Variants in CAAP1 observed in about 807,000 individuals in gnomAD.
CAAP1 encodes the protein caspase activity and apoptosis inhibitor 1, also known as conserved anti-apoptotic protein.
CAAP1 carries 20 observed loss-of-function variants against 34.0 expected under a neutral mutation model. The observed-to-expected ratio is 0.59, with a 90% CI of 0.41 to 0.86. CAAP1 has a LOEUF of 0.86. Ranked by LOEUF, CAAP1 falls within the 40% of genes least tolerant of loss-of-function variation. CAAP1 has a pLI of 0.00. For synonymous variants in CAAP1, 213 were observed against 166.7 expected, an observed-to-expected ratio of 1.28 and a Z score of -2.14; for missense variants, 538 against 450.5, an observed-to-expected ratio of 1.19 and a Z score of -1.76.
At position 26,876,834 on chromosome 9, in the gene CAAP1, A is replaced by G. The variant is rs1025695627; in HGVS notation, c.665+7976T>C. On this transcript the variant is annotated intron_variant, in intron 4 of 5. Coordinates refer to ENST00000333916, the MANE Select transcript of CAAP1 (RefSeq NM_024828.4). ...AATTCCACACCTGACCTCTTGTGGC[A>G]GGTGCATAGAAGTTTAATACTTTAA... Among the ~76,000 whole-genome samples, 68 of 152,128 alleles carry G rather than the reference A, an allele frequency of 4.5e-4. 2 individuals carry two copies. The highest frequency in any genetic ancestry group is 1.6e-3 in the African/African-American group (66 of 41,452).
intron 4 of CAAP1, among the ~76,000 whole-genome samples, chr9:26,864,128 A>C (rs1454269352): frequency 6.6e-6 from 1 of 152,090 alleles, no homozygotes; most frequent in African/African-American, 2.4e-5. Context: ...CTTAATTTAC[A>C]AGCTTGGCAT....
At chr9:26,855,675 T>C (rs949558839) in intron 5 of CAAP1, among the ~76,000 whole-genome samples, 9 of 152,200 alleles carry the variant, frequency 5.9e-5, no homozygotes, top group African/African-American at 1.2e-4. Flanking sequence ...AACTGCAAAT[T>C]AAATCATAGA....
chr9:26,881,811 G>C (rs1252105299), intron 4 of CAAP1, among the ~76,000 whole-genome samples: 2 of 152,158 alleles, frequency 1.3e-5, no homozygotes, highest in Non-Finnish European at 2.9e-5. Context: ...GGAAAATGTG[G>C]GAAAGTCTGG....
intron 4 of CAAP1, among the ~76,000 whole-genome samples, chr9:26,876,304 T>G (rs1287846902): frequency 3.9e-5 from 6 of 152,164 alleles, no homozygotes. Context: ...GGTCTCACCT[T>G]GATAATCCAG....
At chr9:26,869,911 A>G (rs1303332795) in intron 4 of CAAP1, 1 of 980,236 alleles carries the variant, frequency 1.0e-6, no homozygotes, top group Non-Finnish European at 1.2e-6. Context: ...AAAGAGTAGA[A>G]AAAAGGAAAA....
intron 4 of CAAP1, chr9:26,880,265 CT>C: frequency 2.4e-6 from 1 of 409,252 alleles, no homozygotes; most frequent in Non-Finnish European, 4.8e-6. Context: ...CCTCACTTGC[CT>C]CCCGCAAAGC....
chr9:26,880,299 C>T, intron 4 of CAAP1: 1 of 362,420 alleles, frequency 2.8e-6, no homozygotes, highest in Admixed American at 3.7e-5. Context: ...GCTCTGGACG[C>T]ACTGGTCTGA....
At chr9:26,883,042 C>A (rs1823635976) in intron 4 of CAAP1, among the ~76,000 whole-genome samples, 1 of 152,004 alleles carries the variant, frequency 6.6e-6, no homozygotes. Context: ...TTTACAGGCT[C>A]ATAGGCGGAA....
Position 26,859,503 on chromosome 9 carries a change from G to C in CAAP1, c.739+1563C>G, listed in dbSNP as rs143650971. Among the ~76,000 whole-genome samples the C allele has an allele frequency of 4.1e-4, 62 of 152,216 alleles. 1 individual carries two copies. In the East Asian group the frequency reaches 0.011, roughly 28 times the overall value. On this transcript the variant is annotated intron_variant, in intron 5 of 5. Transcript: ENST00000333916. ...TTTATAGAACATTCTCTTCTCCTCA[G>C]ATGATGTAATAGCATATCCTCCATA...
chr9:26,869,891 G>A (rs1823233047), intron 4 of CAAP1: 7 of 897,774 alleles, frequency 7.8e-6, no homozygotes, highest in Non-Finnish European at 9.3e-6. Context: ...TTTTTAAAAA[G>A]GTGATAGAGA....
chr9:26,851,985 A>G (rs1245682103), intron 5 of CAAP1, among the ~76,000 whole-genome samples: 1 of 152,194 alleles, frequency 6.6e-6, no homozygotes, highest in Non-Finnish European at 1.5e-5. Context: ...TTAAATATAA[A>G]TATAAGCTCA....
rs762273415 is a variant in CAAP1, at chr9:26,892,584, C to T, written c.132G>A (p.Gly44=). The T allele has an allele frequency of 3.7e-5, 59 of 1,601,142 alleles. No individual in the cohort carries two copies. Among genetic ancestry groups the T allele is most frequent in the Non-Finnish European group, 4.9e-5 (57 of 1,175,256 alleles). ...SGSSGSTSGC[G]SAGGCGSVSC... is the part of the protein sequence containing the mutation. ...TGACGCTCCCGCAGCCCCCGGCGCT[C>T]CCGCAGCCGCTAGTGCTTCCACTGC... The change falls in exon 1 of 6, where the codon GGG becomes GGA. Residue 44 remains glycine, a synonymous_variant. Coordinates refer to ENST00000333916, the MANE Select transcript of CAAP1 (RefSeq NM_024828.4).
intron 4 of CAAP1, among the ~76,000 whole-genome samples, chr9:26,879,965 TA>T (rs1261617717): frequency 6.6e-6 from 1 of 152,090 alleles, no homozygotes; most frequent in Non-Finnish European, 1.5e-5. Flanking sequence ...TTCTCCTTAA[TA>T]AACTCCCTTT....
intron 5 of CAAP1, among the ~76,000 whole-genome samples, chr9:26,851,951 T>G (rs2184738): frequency 0.065 from 9,876 of 152,266 alleles, 1,291 homozygotes; most frequent in East Asian, 0.6. Flanking sequence ...CTACCATGTT[T>G]CCTGTGGCAC....
intron 4 of CAAP1, among the ~76,000 whole-genome samples, chr9:26,865,284 G>C (rs897144880): frequency 1.2e-4 from 19 of 152,154 alleles, no homozygotes; most frequent in African/African-American, 4.6e-4. Context: ...CAGCACTTTG[G>C]GAGGCCAAGG....
rs1485615354 is a variant in CAAP1 at position 26,841,887 on chromosome 9, A to T, written c.*414T>A. Reference sequence around the variant, plus strand: ...CATATAAGCAAAACTAAATTTCTCAAATTAAATAATTTAATATTGTATTGT... The same window carrying T: ...CATATAAGCAAAACTAAATTTCTCATATTAAATAATTTAATATTGTATTGT... On this transcript the variant is annotated 3_prime_UTR_variant, in exon 6 of 6. Coordinates refer to ENST00000333916, the MANE Select transcript of CAAP1 (RefSeq NM_024828.4). 1 of 152,896 alleles carries T rather than the reference A, an allele frequency of 6.5e-6. No individual in the cohort carries two copies. The allele number at this position is 152,896 out of a possible 1,614,324, so 9.5% of individuals were successfully genotyped here.
intron 5 of CAAP1, among the ~76,000 whole-genome samples, chr9:26,849,386 A>G (rs1822688675): frequency 1.3e-5 from 2 of 152,170 alleles, no homozygotes; most frequent in Admixed American, 6.5e-5. Context: ...TTAGTGAAGG[A>G]GCACAGTTAA....
At chr9:26,853,896 T>TA (rs1416978797) in intron 5 of CAAP1, among the ~76,000 whole-genome samples, 1 of 152,208 alleles carries the variant, frequency 6.6e-6, no homozygotes, top group African/African-American at 2.4e-5. Context: ...GATCCAGACA[T>TA]ATTTATCTTT....
chr9:26,886,354 C>T (rs1222985944), intron 2 of CAAP1, among the ~76,000 whole-genome samples, 166 bp from the exon 3 acceptor site: 1 of 152,070 alleles, frequency 6.6e-6, no homozygotes, highest in Non-Finnish European at 1.5e-5. Context: ...ATCTGAAAAA[C>T]TGCCAGTTAA....
Sources: allele counts gnomAD v4.1 joint callset (sites outside exome capture counted in the v4.1 genomes callset), GRCh38; gene constraint gnomAD v4.1.1; transcripts MANE v1.5; gene names NCBI Gene and HGNC (gene_info 2026-07-23, HGNC 2026-07-21).